The following KCNH5 variants were observed in gnomAD, a reference collection of about 807,000 sequenced individuals.
The protein encoded by KCNH5 is voltage-gated delayed rectifier potassium channel KCNH5.
In KCNH5, 46 loss-of-function variants were observed where a neutral mutation model predicts 96.1. The observed-to-expected ratio is 0.48, with a 90% CI of 0.38 to 0.61. The LOEUF (loss-of-function observed/expected upper bound fraction) is 0.61. KCNH5 is among the 20% of genes least tolerant of loss of function. The pLI, the probability that KCNH5 is intolerant of heterozygous loss-of-function variation, is 0.00. For missense variants in KCNH5, 907 were observed against 1,225.8 expected (o/e 0.74, Z 3.88); for synonymous variants, 439 against 449.8 (o/e 0.98, Z 0.30).
intron 1 of KCNH5, among the ~76,000 whole-genome samples, chr14:63,040,099 A>G (rs567693141): frequency 3.7e-4 from 56 of 152,238 alleles, no homozygotes; most frequent in Non-Finnish European, 7.5e-4. Flanking sequence ...ACTCACAAGG[A>G]AAGAAAAAGA....
intron 3 of KCNH5, among the ~76,000 whole-genome samples, chr14:63,002,056 T>C (rs1325902130): frequency 6.6e-6 from 1 of 152,162 alleles, no homozygotes; most frequent in Non-Finnish European, 1.5e-5. Context: ...CAAAACTTGA[T>C]GTCCGATGTA....
At chr14:62,805,835 C>A (rs1171088690) in intron 8 of KCNH5, among the ~76,000 whole-genome samples, 1 of 152,056 alleles carries the variant, frequency 6.6e-6, no homozygotes, top group Non-Finnish European at 1.5e-5. Context: ...ATAAATTAGA[C>A]TCGTTAAGAT....
chr14:62,968,471 GCTGGTAGGGTAGGTCATCTGA>G (rs1456017976), intron 6 of KCNH5, among the ~76,000 whole-genome samples: 8 of 152,182 alleles, frequency 5.3e-5, no homozygotes, highest in African/African-American at 1.9e-4. Context: ...TGTATGGAAA[GCTGGTAGGGTAGGTCATCTGA>G]CTGGAGGATT....
chr14:62,940,805 T>C (rs537312660), intron 7 of KCNH5, among the ~76,000 whole-genome samples: 1 of 152,358 alleles, frequency 6.6e-6, no homozygotes, highest in African/African-American at 2.4e-5. Flanking sequence ...AACATTTTTA[T>C]TCATTCATTA....
At chr14:63,002,397 CA>C (rs1233314729) in intron 3 of KCNH5, among the ~76,000 whole-genome samples, 1 of 152,156 alleles carries the variant, frequency 6.6e-6, no homozygotes, top group Non-Finnish European at 1.5e-5. Flanking sequence ...GATTCCATTA[CA>C]ATCAAAGAGA....
intron 10 of KCNH5, among the ~76,000 whole-genome samples, chr14:62,764,945 T>A (rs911281149): frequency 2.0e-5 from 3 of 152,172 alleles, no homozygotes; most frequent in African/African-American, 7.2e-5. Flanking sequence ...AACTATAATG[T>A]CCAATGGTAT....
chr14:62,769,884 T>C (rs1301530395), intron 10 of KCNH5, among the ~76,000 whole-genome samples: 1 of 152,092 alleles, frequency 6.6e-6, no homozygotes, highest in Non-Finnish European at 1.5e-5. Context: ...AAAATAGAAA[T>C]GTAAATAAGA....
At chr14:62,987,254 A>G in intron 4 of KCNH5, 67 bp from the exon 5 acceptor site, 1 of 1,097,288 alleles carries the variant, frequency 9.1e-7, no homozygotes, top group Non-Finnish European at 1.4e-6. Flanking sequence ...CATTCTTGCT[A>G]GCATTAAAAA....
chr14:63,018,497 T>C (rs1891368323), intron 1 of KCNH5, among the ~76,000 whole-genome samples: 1 of 151,886 alleles, frequency 6.6e-6, no homozygotes, highest in South Asian at 2.1e-4. Flanking sequence ...TCCCCGAAGG[T>C]AGAAGATGAA....
rs140667832 is a variant in KCNH5, at chr14:62,822,230, T to C, written c.1570-19649A>G. ...AACCTTTACATTTATGCAACTCTTA[T>C]AAAAATCCCAGAAAATTTTCTTTGT... On this transcript the variant is annotated intron_variant, in intron 8 of 10. Transcript: ENST00000322893. 5.1e-4 allele frequency among the ~76,000 whole-genome samples: 78 copies of C among 152,272 alleles called. 1 individual carries two copies. Among genetic ancestry groups the C allele is most frequent in the African/African-American group, 1.8e-3 (76 of 41,576 alleles).
intron 9 of KCNH5, among the ~76,000 whole-genome samples, chr14:62,797,592 A>G (rs893645782): frequency 4.6e-5 from 7 of 152,224 alleles, no homozygotes; most frequent in African/African-American, 1.7e-4. Context: ...ACATTCTCAC[A>G]GATTCTCAAA....
At chr14:62,761,112 T>G (rs866301961) in intron 10 of KCNH5, among the ~76,000 whole-genome samples, 1 of 152,242 alleles carries the variant, frequency 6.6e-6, no homozygotes, top group South Asian at 2.1e-4. Flanking sequence ...CCCAGCCCTT[T>G]GGGAGGCCAA....
intron 4 of KCNH5, among the ~76,000 whole-genome samples, chr14:62,997,046 A>C (rs1453358724): frequency 6.6e-6 from 1 of 152,124 alleles, no homozygotes; most frequent in Non-Finnish European, 1.5e-5. Context: ...TTCATTTTTA[A>C]TTTTTGTGGG....
chr14:62,824,837 T>G lies in KCNH5; in HGVS notation c.1570-22256A>C, dbSNP rs1887188536. 2.0e-5 allele frequency among the ~76,000 whole-genome samples: 3 copies of G among 152,042 alleles called. 1 individual carries two copies. The South Asian group carries it at 6.2e-4, about 32-fold the overall frequency. On this transcript the variant is annotated intron_variant, in intron 8 of 10. Transcript: ENST00000322893. ...TCTTTACGTCCATGAGTACCCAATC[T>G]TTTGTTTCCACTTATAAGTGGAAAC...
intron 3 of KCNH5, 69 bp downstream of exon 3, chr14:63,006,297 C>A: frequency 1.0e-6 from 1 of 954,548 alleles, no homozygotes; most frequent in Admixed American, 1.9e-5. Context: ...CATTTTAGCT[C>A]CACTACGACT....
At chr14:62,991,517 C>A (rs1430820010) in intron 4 of KCNH5, among the ~76,000 whole-genome samples, 1 of 151,920 alleles carries the variant, frequency 6.6e-6, no homozygotes, top group Non-Finnish European at 1.5e-5. Context: ...TAAATCAAAG[C>A]CAAAGGCGGT....
chr14:62,746,574 A>G (rs1225982700), intron 10 of KCNH5, among the ~76,000 whole-genome samples: 2 of 152,226 alleles, frequency 1.3e-5, no homozygotes, highest in African/African-American at 4.8e-5. Context: ...TATCCTGGAA[A>G]GAATATCACT....
intron 8 of KCNH5, among the ~76,000 whole-genome samples, chr14:62,826,466 T>C (rs1488923852): frequency 6.6e-6 from 1 of 150,798 alleles, no homozygotes; most frequent in East Asian, 1.9e-4. Context: ...GGATTTTCCT[T>C]TGTAAGCCAA....
In KCNH5 at chr14:62,723,284, T is replaced by A. The variant is rs552614442; in HGVS notation, c.2020-14829A>T. On this transcript the variant is annotated intron_variant, in intron 10 of 10. Coordinates refer to ENST00000322893, the MANE Select transcript of KCNH5 (RefSeq NM_139318.5). ...ACTTAATATCACACACATGCATAAA[T>A]TCTTCACTGTTACAAAAAACAGGCT... Among the ~76,000 whole-genome samples, 219 of 152,354 alleles carry A rather than the reference T, an allele frequency of 1.4e-3. 1 individual carries two copies. The highest frequency in any genetic ancestry group is 7.9e-3 in the South Asian group (38 of 4,826).
Sources: allele counts gnomAD v4.1 joint callset (sites outside exome capture counted in the v4.1 genomes callset), GRCh38; gene constraint gnomAD v4.1.1; transcripts MANE v1.5; gene names NCBI Gene and HGNC (gene_info 2026-07-23, HGNC 2026-07-21).